The following DSCAM variants were observed in gnomAD, a reference collection of about 807,000 sequenced individuals.
The protein encoded by DSCAM is DS cell adhesion molecule.
DSCAM carries 47 observed loss-of-function variants against 217.7 expected under a neutral mutation model. The ratio of observed to expected loss-of-function variants is 0.22; its 90% CI spans 0.17 to 0.28. DSCAM has a LOEUF of 0.28. DSCAM is among the 10% of genes least tolerant of loss of function. The pLI is 1.00. For missense variants in DSCAM, 2,080 were observed against 2,618.3 expected, an observed-to-expected ratio of 0.79 and a Z score of 4.49; for synonymous variants, 1,056 against 1,015.3, an observed-to-expected ratio of 1.04 and a Z score of -0.76.
At chr21:40,415,349 G>T (rs187383134) in intron 3 of DSCAM, among the ~76,000 whole-genome samples, 1 of 152,184 alleles carries the variant, frequency 6.6e-6, no homozygotes, top group African/African-American at 2.4e-5. Context: ...TTAACAGAGC[G>T]TGCCAAAAGT....
chr21:40,108,050 A>C (rs1363262936), intron 20 of DSCAM, among the ~76,000 whole-genome samples: 1 of 152,216 alleles, frequency 6.6e-6, no homozygotes, highest in Admixed American at 6.5e-5. Flanking sequence ...CCCACAGCCA[A>C]CATCATACTG....
chr21:40,687,232 T>C (rs1290028261), intron 3 of DSCAM, among the ~76,000 whole-genome samples: 1 of 152,228 alleles, frequency 6.6e-6, no homozygotes, highest in Admixed American at 6.5e-5. Flanking sequence ...GTTAAAGAAA[T>C]GCTTCTTTAA....
intron 3 of DSCAM, among the ~76,000 whole-genome samples, chr21:40,602,237 T>C (rs2077067770): frequency 6.6e-6 from 1 of 152,014 alleles, no homozygotes; most frequent in Admixed American, 6.6e-5. Flanking sequence ...ATTATTTGTA[T>C]TTTTTGTAGA....
At chr21:40,432,907 T>A (rs1473719936) in intron 3 of DSCAM, among the ~76,000 whole-genome samples, 1 of 152,126 alleles carries the variant, frequency 6.6e-6, no homozygotes, top group Non-Finnish European at 1.5e-5. Context: ...TGAAACCTAC[T>A]CTCTTAACCA....
intron 14 of DSCAM, among the ~76,000 whole-genome samples, chr21:40,184,291 C>T (rs1442497814): frequency 1.3e-5 from 2 of 152,184 alleles, no homozygotes; most frequent in South Asian, 2.1e-4. Context: ...ATCTGACTAA[C>T]ACAACTCGTA....
chr21:40,746,418 T>C (rs1202360295), intron 1 of DSCAM, among the ~76,000 whole-genome samples: 3 of 143,678 alleles, frequency 2.1e-5, no homozygotes, highest in Non-Finnish European at 4.6e-5. Flanking sequence ...TCAGATAAAA[T>C]AGACTTTAGG....
At chr21:40,843,790 C>CTTTTTTTTTTTTTTT in intron 1 of DSCAM, among the ~76,000 whole-genome samples, 1 of 118,986 alleles carries the variant, frequency 8.4e-6, no homozygotes, top group Non-Finnish European at 1.8e-5. Flanking sequence ...CTGACTTCTT[C>CTTTTTTTTTTTTTTT]TTTTTTTTTT....
intron 3 of DSCAM, among the ~76,000 whole-genome samples, chr21:40,561,533 T>C (rs2076720427): frequency 6.6e-6 from 1 of 152,224 alleles, no homozygotes; most frequent in South Asian, 2.1e-4. Flanking sequence ...ATTTATATGA[T>C]CATCCTTTAG....
chr21:40,263,430 T>A (rs567665519), intron 11 of DSCAM, among the ~76,000 whole-genome samples: 1 of 152,122 alleles, frequency 6.6e-6, no homozygotes, highest in Admixed American at 6.5e-5. Flanking sequence ...TACAAATACA[T>A]GAAAATTAAG....
chr21:40,343,851 A>T (rs1023636417), intron 6 of DSCAM, among the ~76,000 whole-genome samples: 4 of 149,972 alleles, frequency 2.7e-5, no homozygotes, highest in Non-Finnish European at 5.9e-5. Context: ...TTATTATTTT[A>T]TTTCATTTTA....
At chr21:40,270,545 T>G (rs1437858486) in intron 11 of DSCAM, among the ~76,000 whole-genome samples, 4 of 152,166 alleles carry the variant, frequency 2.6e-5, no homozygotes, top group Admixed American at 2.0e-4. Flanking sequence ...TTGTCATGTT[T>G]GGGAAGGACT....
At chr21:40,290,258 T>A (rs1268662772) in intron 10 of DSCAM, among the ~76,000 whole-genome samples, 2 of 152,164 alleles carry the variant, frequency 1.3e-5, no homozygotes, top group Non-Finnish European at 2.9e-5. Flanking sequence ...AATCTACATA[T>A]TAAATAGATG....
intron 12 of DSCAM, 51 bp from the exon 13 acceptor site, chr21:40,188,038 T>A: frequency 6.8e-7 from 1 of 1,464,814 alleles, no homozygotes; most frequent in Non-Finnish European, 9.5e-7. Flanking sequence ...CAAAATGACT[T>A]TGAGCCGTAA....
chr21:40,423,072 C>G (rs1243487510), intron 3 of DSCAM, among the ~76,000 whole-genome samples: 2 of 152,078 alleles, frequency 1.3e-5, no homozygotes, highest in East Asian at 3.9e-4. Flanking sequence ...CCCTGGCAAC[C>G]CGAGTGTTCC....
chr21:40,528,418 G>C (rs1475812677), intron 3 of DSCAM, among the ~76,000 whole-genome samples: 1 of 152,118 alleles, frequency 6.6e-6, no homozygotes, highest in East Asian at 1.9e-4. Flanking sequence ...ATTATACATA[G>C]AGTGTGTAGA....
rs746684524 is a variant in DSCAM, at chr21:40,042,569, C to T, written c.5488G>A (p.Ala1830Thr). Residue 1830 changes from alanine (A) to threonine (T), a missense_variant, in exon 32 of 33, where the codon GCC (alanine) becomes ACC (threonine). Physicochemically the swap from Ala to Thr is moderately conservative, Grantham distance 58 (BLOSUM62 0). This residue lies in a region of DSCAM where 1,144 missense variants were observed against 1,421.1 expected (regional missense o/e 0.81). Coordinates refer to ENST00000400454, the MANE Select transcript of DSCAM (RefSeq NM_001389.5). ...HAKMEEQLRH[A>T]KFTITECFIS... ...AAGCACTCCGTGATGGTGAACTTGG[C>T]GTGCCTCAGTTGCTCTTCCATCTTG... 1.9e-5 allele frequency: 31 copies of T among 1,614,030 alleles called. No homozygotes were observed. The highest frequency in any genetic ancestry group is 2.0e-5 in the Non-Finnish European group (24 of 1,180,048).
rs1252112967 is a variant in DSCAM at position 40,296,313 on chromosome 21, T to G, written c.2063-139A>C. On this transcript the variant is annotated intron_variant, in intron 9 of 32. Transcript: ENST00000400454. ...TACACATGGGACAATAAAAACACTA[T>G]TGGCAGTTTGGGACAAATTAAGGGA... 30 of 1,065,048 alleles carry G rather than the reference T, an allele frequency of 2.8e-5. No individual in the cohort carries two copies. In the Admixed American group the frequency reaches 3.3e-4, roughly 12 times the overall value. 66.0% of individuals were successfully genotyped at this position (1,065,048 alleles called of 1,614,324 possible).
At chr21:40,471,486 T>C (rs1029295731) in intron 3 of DSCAM, among the ~76,000 whole-genome samples, 3 of 152,216 alleles carry the variant, frequency 2.0e-5, no homozygotes, top group African/African-American at 7.2e-5. Context: ...GAGACAGTAC[T>C]AGGGTTACAG....
intron 1 of DSCAM, among the ~76,000 whole-genome samples, chr21:40,799,860 A>C (rs1202004489): frequency 6.6e-6 from 1 of 152,216 alleles, no homozygotes; most frequent in Non-Finnish European, 1.5e-5. Flanking sequence ...TCCTTTAGCC[A>C]TATAAGGTAG....
Sources: gnomAD v4.1 joint callset for allele counts (sites outside exome capture counted in the v4.1 genomes callset) on GRCh38, gnomAD v4.1.1 for gene constraint, gnomAD v4.1.1 regional missense constraint, MANE v1.5 for transcripts, NCBI Gene and HGNC (gene_info 2026-07-23, HGNC 2026-07-21) for gene names.